The following SHQ1 variants were observed in gnomAD, a reference collection of about 807,000 sequenced individuals.
The protein encoded by SHQ1 is protein SHQ1 homolog.
SHQ1 carries 49 observed loss-of-function variants against 53.8 expected under a neutral mutation model. That is an observed-to-expected ratio of 0.91 (90% CI 0.72 to 1.16). The LOEUF (loss-of-function observed/expected upper bound fraction) is 1.16, where lower values mean the gene tolerates loss of function less well. SHQ1 is among the 50% of genes most tolerant of loss of function. The probability of loss-of-function intolerance (pLI) is 0.00; values close to 1 mark genes in which losing one functional copy is unlikely to be tolerated. For synonymous variants in SHQ1, 243 were observed against 251.0 expected (o/e 0.97, Z 0.30); for missense variants, 738 against 683.1 (o/e 1.08, Z -0.90).
rs200696295 is a variant in SHQ1, at chr3:72,832,397, G to C, written c.571C>G (p.Leu191Val). The C allele has an allele frequency of 6.2e-7, 1 of 1,612,134 alleles. No homozygotes were observed. The highest frequency in any genetic ancestry group is 1.3e-5 in the African/African-American group (1 of 74,858). ...ERRQKRLAAE[L>V]AKFDPDHYLA... ...TAATGATCAGGATCAAACTTGGCCAGCTCAGCGGCCAGGCGCTTCTGTCTT... is the reference window on the plus strand; with the variant it reads ...TAATGATCAGGATCAAACTTGGCCACCTCAGCGGCCAGGCGCTTCTGTCTT... Residue 191 changes from leucine to valine, a missense_variant, in exon 5 of 11, where the codon CTG becomes GTG. Coordinates refer to ENST00000325599, the MANE Select transcript of SHQ1 (RefSeq NM_018130.3).
At chr3:72,792,691 A>C (rs1332366927) in intron 10 of SHQ1, among the ~76,000 whole-genome samples, 1 of 151,600 alleles carries the variant, frequency 6.6e-6, no homozygotes, top group East Asian at 1.9e-4. Context: ...AGGCAGAGGC[A>C]CAAGAATCAC....
intron 10 of SHQ1, among the ~76,000 whole-genome samples, chr3:72,781,941 C>T (rs886731054): frequency 1.3e-5 from 2 of 151,956 alleles, no homozygotes; most frequent in African/African-American, 4.8e-5. Flanking sequence ...TTTATGTACT[C>T]CCTGGAAAAA....
intron 10 of SHQ1, among the ~76,000 whole-genome samples, chr3:72,752,579 T>A (rs1575673036): frequency 6.6e-6 from 1 of 151,804 alleles, no homozygotes; most frequent in African/African-American, 2.4e-5. Context: ...CAGGCTGGAG[T>A]GCAGTGGTGT....
chr3:72,823,625 T>C (rs1481637521), intron 6 of SHQ1, among the ~76,000 whole-genome samples: 1 of 152,186 alleles, frequency 6.6e-6, no homozygotes, highest in Non-Finnish European at 1.5e-5. Flanking sequence ...ATGGAAGATG[T>C]GCAACACACA....
intron 1 of SHQ1, among the ~76,000 whole-genome samples, chr3:72,847,281 G>A (rs1253050682): frequency 1.3e-5 from 2 of 152,136 alleles, no homozygotes. Flanking sequence ...TGGTGGAGAA[G>A]GTTTGTACCA....
the SHQ1 span, among the ~76,000 whole-genome samples, chr3:72,738,284 A>G: frequency 2.0e-5 from 3 of 152,088 alleles, no homozygotes; most frequent in Non-Finnish European, 4.4e-5. Context: ...GCCCCTGCTG[A>G]AAACGAGGCA....
the SHQ1 span, among the ~76,000 whole-genome samples, chr3:72,737,066 T>C: frequency 1.3e-5 from 2 of 152,014 alleles, no homozygotes; most frequent in Admixed American, 1.3e-4. Flanking sequence ...GCTCAGGAGT[T>C]CGAGACCAGC....
chr3:72,752,828 A>T, intron 10 of SHQ1: 1 of 264,442 alleles, frequency 3.8e-6, no homozygotes, highest in Non-Finnish European at 5.8e-6. Context: ...GGCCCAGCTA[A>T]TTTTTTTTGT....
chr3:72,730,574 G>C, the SHQ1 span, among the ~76,000 whole-genome samples: 2 of 152,152 alleles, frequency 1.3e-5, no homozygotes. Flanking sequence ...GGTTCTTGGG[G>C]AACTCTTTAC....
chr3:72,836,265 A>G (rs1202662432), intron 4 of SHQ1, among the ~76,000 whole-genome samples: 7 of 152,226 alleles, frequency 4.6e-5, no homozygotes, highest in East Asian at 1.9e-4. Context: ...CAAGGCGGGC[A>G]GATCACCAGG....
chr3:72,837,277 A>C (rs370080763), intron 4 of SHQ1, among the ~76,000 whole-genome samples: 32 of 152,286 alleles, frequency 2.1e-4, no homozygotes, highest in African/African-American at 7.5e-4. Flanking sequence ...GTTCAAAGAG[A>C]ATTTGTTTCA....
chr3:72,846,253 G>C, intron 1 of SHQ1: 1 of 1,535,216 alleles, frequency 6.5e-7, no homozygotes. Context: ...TCTTCAAGGA[G>C]AGGGACCAGG....
chr3:72,815,099 C>T (rs1707269191), intron 8 of SHQ1, among the ~76,000 whole-genome samples: 1 of 152,064 alleles, frequency 6.6e-6, no homozygotes, highest in South Asian at 2.1e-4. Context: ...TCTCACTCTG[C>T]CCCCACATTC....
the SHQ1 span, among the ~76,000 whole-genome samples, chr3:72,734,325 C>T: frequency 3.3e-5 from 5 of 151,050 alleles, no homozygotes; most frequent in South Asian, 8.4e-4. Context: ...GATGTGATCT[C>T]GACTCACTAC....
chr3:72,776,153 A>T (rs1426563174), intron 10 of SHQ1, among the ~76,000 whole-genome samples: 1 of 152,242 alleles, frequency 6.6e-6, no homozygotes, highest in Admixed American at 6.5e-5. Flanking sequence ...AAGAGTTAAT[A>T]GTAGAGTCTG....
chr3:72,741,662 G>A, the SHQ1 span, among the ~76,000 whole-genome samples: 6 of 151,802 alleles, frequency 4.0e-5, no homozygotes, highest in Admixed American at 6.6e-5. Flanking sequence ...CTAGCACAGC[G>A]CTTGGCTTCA....
intron 10 of SHQ1, among the ~76,000 whole-genome samples, chr3:72,765,701 G>A (rs904385983): frequency 3.3e-5 from 5 of 151,350 alleles, no homozygotes; most frequent in African/African-American, 1.2e-4. Flanking sequence ...TTACAGGCAC[G>A]TGCCACTACA....
At chr3:72,837,865 C>T (rs1708049417) in intron 4 of SHQ1, among the ~76,000 whole-genome samples, 1 of 152,222 alleles carries the variant, frequency 6.6e-6, no homozygotes, top group South Asian at 2.1e-4. Flanking sequence ...ACCAATTATG[C>T]AAGATTTCTG....
chr3:72,846,603 CTG>C (rs1475229801), intron 1 of SHQ1, among the ~76,000 whole-genome samples: 4 of 152,130 alleles, frequency 2.6e-5, no homozygotes, highest in African/African-American at 9.7e-5. Flanking sequence ...TGGGGGCAAA[CTG>C]TATTATCAAA....
Sources: gnomAD v4.1 joint callset for allele counts (sites outside exome capture counted in the v4.1 genomes callset) on GRCh38, gnomAD v4.1.1 for gene constraint, MANE v1.5 for transcripts, NCBI Gene and HGNC (gene_info 2026-07-23, HGNC 2026-07-21) for gene names.